The following NALCN variants were observed in gnomAD, a reference collection of about 807,000 sequenced individuals.
NALCN encodes sodium leak channel NALCN.
NALCN carries 111 observed loss-of-function variants against 225.3 expected under a neutral mutation model. The observed-to-expected ratio is 0.49, with a 90% CI of 0.42 to 0.58. The LOEUF is 0.58. Ranked by LOEUF, NALCN falls within the 20% of genes least tolerant of loss-of-function variation. The pLI, the probability that NALCN is intolerant of heterozygous loss-of-function variation, is 0.00. For missense variants in NALCN, 1,378 were observed against 2,202.4 expected, an observed-to-expected ratio of 0.63 and a Z score of 7.49; for synonymous variants, 764 against 769.0, an observed-to-expected ratio of 0.99 and a Z score of 0.11.
chr13:101,209,091 G>A (rs113598916), intron 13 of NALCN, among the ~76,000 whole-genome samples: 6 of 151,826 alleles, frequency 4.0e-5, no homozygotes, highest in East Asian at 1.9e-4. Context: ...TTTTTATAAC[G>A]TCCATAATTT....
At chr13:101,068,673 G>C in intron 38 of NALCN, 22 bp downstream of exon 38, 3 of 1,562,922 alleles carry the variant, frequency 1.9e-6, no homozygotes, top group South Asian at 1.2e-5. Context: ...AGAGTAAAAA[G>C]TATTCAACTA....
At chr13:101,166,960 G>T (rs946171116) in intron 15 of NALCN, among the ~76,000 whole-genome samples, 4 of 152,164 alleles carry the variant, frequency 2.6e-5, no homozygotes, top group South Asian at 2.1e-4. Context: ...AACATCATTT[G>T]TTGAAGAGAC....
chr13:101,306,178 G>C (rs148270589), intron 7 of NALCN, among the ~76,000 whole-genome samples: 1 of 152,234 alleles, frequency 6.6e-6, no homozygotes, highest in South Asian at 2.1e-4. Context: ...CAGAGCTCCC[G>C]AGGCTGCAGA....
intron 13 of NALCN, among the ~76,000 whole-genome samples, chr13:101,223,465 C>T (rs2041023844): frequency 6.6e-6 from 1 of 152,156 alleles, no homozygotes; most frequent in Admixed American, 6.6e-5. Flanking sequence ...CTAATGTCAC[C>T]TCCAAATTAA....
At chr13:101,251,223 G>T (rs115073646) in intron 11 of NALCN, among the ~76,000 whole-genome samples, 3 of 152,076 alleles carry the variant, frequency 2.0e-5, no homozygotes, top group African/African-American at 7.2e-5. Flanking sequence ...ACAGCAAAAA[G>T]TTGGAAGCAA....
intron 6 of NALCN, among the ~76,000 whole-genome samples, chr13:101,354,354 A>G (rs1235291611): frequency 1.3e-5 from 2 of 152,178 alleles, no homozygotes; most frequent in Non-Finnish European, 2.9e-5. Context: ...AAAAGAAAAG[A>G]AAAGAAAAGT....
chr13:101,157,037 G>A (rs1472952628), intron 15 of NALCN, among the ~76,000 whole-genome samples: 1 of 152,096 alleles, frequency 6.6e-6, no homozygotes, highest in Non-Finnish European at 1.5e-5. Flanking sequence ...AGTGGAAATA[G>A]GGATAACATT....
At chr13:101,238,383 G>T (rs1190756232) in intron 11 of NALCN, among the ~76,000 whole-genome samples, 2 of 151,590 alleles carry the variant, frequency 1.3e-5, no homozygotes, top group Non-Finnish European at 3.0e-5. Context: ...TATGCTTTAG[G>T]CCACATGGCA....
At chr13:101,203,983 T>C (rs2040223758) in intron 13 of NALCN, among the ~76,000 whole-genome samples, 1 of 152,226 alleles carries the variant, frequency 6.6e-6, no homozygotes, top group South Asian at 2.1e-4. Context: ...GTAAATTAAG[T>C]GCTTTGCTCT....
chr13:101,411,037 T>C (rs2047766202), intron 1 of NALCN, among the ~76,000 whole-genome samples: 2 of 152,174 alleles, frequency 1.3e-5, no homozygotes, highest in African/African-American at 2.4e-5. Flanking sequence ...CTAACCTCCT[T>C]GTCATCATTC....
At chr13:101,317,367 G>A (rs79438739) in intron 7 of NALCN, among the ~76,000 whole-genome samples, 16,487 of 152,186 alleles carry the variant, frequency 0.11, 1,238 homozygotes, top group African/African-American at 0.21. Context: ...TGAAAGTCAA[G>A]GAAGAATTTT....
At chr13:101,248,161 T>A (rs967443328) in intron 11 of NALCN, among the ~76,000 whole-genome samples, 1 of 152,154 alleles carries the variant, frequency 6.6e-6, no homozygotes, top group African/African-American at 2.4e-5. Flanking sequence ...GAATGATTTA[T>A]ATTCCACCCA....
chr13:101,151,109 C>A (rs375982607), intron 15 of NALCN, among the ~76,000 whole-genome samples: 6 of 152,294 alleles, frequency 3.9e-5, no homozygotes, highest in African/African-American at 7.2e-5. Flanking sequence ...AACTAGAAGT[C>A]GTCTAAGCTC....
At chr13:101,351,063 C>G (rs1431726663) in intron 6 of NALCN, among the ~76,000 whole-genome samples, 1 of 151,996 alleles carries the variant, frequency 6.6e-6, no homozygotes, top group African/African-American at 2.4e-5. Context: ...TCTATATTCT[C>G]TCTGGAGAAA....
intron 14 of NALCN, among the ~76,000 whole-genome samples, chr13:101,182,517 A>C (rs2039281926): frequency 6.6e-6 from 1 of 152,230 alleles, no homozygotes; most frequent in South Asian, 2.1e-4. Flanking sequence ...ATCTTTGTTT[A>C]GGCATCATTT....
intron 6 of NALCN, 135 bp from the exon 7 acceptor site, chr13:101,345,555 T>A (rs1191607408): frequency 9.7e-7 from 1 of 1,026,386 alleles, no homozygotes; most frequent in African/African-American, 1.6e-5. Context: ...ATCGTTGCAC[T>A]TTGGGAGGCA....
At position 101,074,153 on chromosome 13, in the gene NALCN, C is replaced by T. The variant is rs530957289; in HGVS notation, c.4103+361G>A. On this transcript the variant is annotated intron_variant, in intron 36 of 43. Transcript: ENST00000251127. ...TCCCATATTTTGCTGAGAAAGAAAC[C>T]CAGAGTTATCTTAAAATTGTTCCAT... Among the ~76,000 whole-genome samples, 177 of 152,070 alleles carry T rather than the reference C, an allele frequency of 1.2e-3. 1 individual carries two copies. The highest frequency in any genetic ancestry group is 4.0e-3 in the African/African-American group (164 of 41,492).
At chr13:101,144,687 G>T (rs2037257477) in intron 16 of NALCN, 73 bp downstream of exon 16, 2 of 1,500,060 alleles carry the variant, frequency 1.3e-6, no homozygotes, top group East Asian at 2.3e-5. Context: ...TAAAAGAAGG[G>T]TTAAATCAGA....
chr13:101,331,569 G>C (rs1186928027), intron 7 of NALCN, among the ~76,000 whole-genome samples: 1 of 152,028 alleles, frequency 6.6e-6, no homozygotes, highest in African/African-American at 2.4e-5. Flanking sequence ...CAGGGTCCCT[G>C]GGTTTTTGGG....
Sources: allele counts gnomAD v4.1 joint callset (sites outside exome capture counted in the v4.1 genomes callset), GRCh38; gene constraint gnomAD v4.1.1; transcripts MANE v1.5; gene names NCBI Gene and HGNC (gene_info 2026-07-23, HGNC 2026-07-21).